Variants in SLC44A5 observed in about 807,000 individuals in gnomAD.
The protein encoded by SLC44A5 is choline transporter-like protein 5.
A neutral mutation model predicts 101.8 loss-of-function variants in SLC44A5; 57 were observed. That is an observed-to-expected ratio of 0.56 (90% CI 0.45 to 0.70). The LOEUF is 0.70. Among genes scored for constraint, SLC44A5 ranks in the 30% least tolerant of loss-of-function variants. The pLI is 0.00. For synonymous variants in SLC44A5, 281 were observed against 290.9 expected, an observed-to-expected ratio of 0.97 and a Z score of 0.35; for missense variants, 737 against 853.1, an observed-to-expected ratio of 0.86 and a Z score of 1.70.
In SLC44A5 at chr1:75,285,336, T is replaced by G. The variant is rs575766151; in HGVS notation, c.176-10294A>C. ...TTTTGTATTTCTGTGATATTGGTTGTAATTCTCCCATTTTGTTTCTAATTG... is the reference window on the plus strand; with the variant it reads ...TTTTGTATTTCTGTGATATTGGTTGGAATTCTCCCATTTTGTTTCTAATTG... On this transcript the variant is annotated intron_variant, in intron 5 of 23. Transcript: ENST00000370859. 4.6e-5 allele frequency among the ~76,000 whole-genome samples: 7 copies of G among 152,222 alleles called. 1 individual carries two copies. In the South Asian group the frequency reaches 1.4e-3, roughly 32 times the overall value.
chr1:75,694,218 G>A, the SLC44A5 span, among the ~76,000 whole-genome samples: 1 of 151,910 alleles, frequency 6.6e-6, no homozygotes, highest in African/African-American at 2.4e-5. Flanking sequence ...GGAAGATTTG[G>A]CCTTATGTCA....
At chr1:75,722,380 G>A in the SLC44A5 span, among the ~76,000 whole-genome samples, 1 of 152,200 alleles carries the variant, frequency 6.6e-6, no homozygotes, top group African/African-American at 2.4e-5. Context: ...CCGAAACAAT[G>A]AGGTTCGTGA....
chr1:75,551,542 G>A (rs1283061508), intron 1 of SLC44A5, among the ~76,000 whole-genome samples: 1 of 152,068 alleles, frequency 6.6e-6, no homozygotes, highest in East Asian at 1.9e-4. Flanking sequence ...CTTCCTCATA[G>A]AGACGTCTAA....
chr1:75,445,480 C>T (rs887287082), intron 2 of SLC44A5, among the ~76,000 whole-genome samples: 2 of 126,846 alleles, frequency 1.6e-5, no homozygotes, highest in Non-Finnish European at 3.4e-5. Flanking sequence ...CCAATCCTTA[C>T]TATATAAAAT....
At chr1:75,609,194 C>T (rs1442550985) in intron 1 of SLC44A5, among the ~76,000 whole-genome samples, 1 of 151,724 alleles carries the variant, frequency 6.6e-6, no homozygotes, top group African/African-American at 2.4e-5. Context: ...CTATTTATAC[C>T]TCAAAGGACT....
At chr1:75,416,945 A>G (rs1382325822) in intron 2 of SLC44A5, among the ~76,000 whole-genome samples, 1 of 152,214 alleles carries the variant, frequency 6.6e-6, no homozygotes, top group Admixed American at 6.5e-5. Flanking sequence ...GCTCATAGGC[A>G]GAAGGGATTT....
At chr1:75,679,647 G>A in the SLC44A5 span, among the ~76,000 whole-genome samples, 28 of 145,792 alleles carry the variant, frequency 1.9e-4, no homozygotes, top group East Asian at 4.0e-4. Context: ...GGTACCAGCC[G>A]CTGCAAAATC....
rs1389064395 is a variant in SLC44A5 at position 75,236,967 on chromosome 1, A to T, written c.740+20T>A. 3 of 1,361,534 alleles carry T rather than the reference A, an allele frequency of 2.2e-6. No homozygotes were observed. Among genetic ancestry groups the T allele is most frequent in the Admixed American group, 3.4e-5 (2 of 59,066 alleles). 84.3% of individuals were successfully genotyped at this position (1,361,534 alleles called of 1,614,324 possible). On this transcript the variant is annotated intron_variant, in intron 11 of 23. Coordinates refer to ENST00000370859, the MANE Select transcript of SLC44A5 (RefSeq NM_001130058.2). ...ATCAGAATGGGGCTGGAGAAGAAAC[A>T]TCTATGTGTTTTCACTTACATGAGA...
chr1:75,224,905 G>A (rs1364571233), intron 13 of SLC44A5, among the ~76,000 whole-genome samples: 3 of 151,912 alleles, frequency 2.0e-5, no homozygotes, highest in Non-Finnish European at 4.4e-5. Flanking sequence ...TATTATAAAA[G>A]TCAAAAAGTT....
intron 3 of SLC44A5, among the ~76,000 whole-genome samples, chr1:75,342,328 T>C (rs1317595201): frequency 6.6e-6 from 1 of 152,262 alleles, no homozygotes; most frequent in African/African-American, 2.4e-5. Context: ...ATGTGAATTG[T>C]ACTTCTCTGA....
At position 75,474,984 on chromosome 1, in the gene SLC44A5, T is replaced by G. The variant is rs536800992; in HGVS notation, c.13+66451A>C. Reference sequence around the variant, plus strand: ...AGCAGCAACAATTCAACTGCCTGAATGAAATGCCAAATGGCATAAAGTAAA... The same window carrying G: ...AGCAGCAACAATTCAACTGCCTGAAGGAAATGCCAAATGGCATAAAGTAAA... On this transcript the variant is annotated intron_variant, in intron 2 of 23. Coordinates refer to ENST00000370859, the MANE Select transcript of SLC44A5 (RefSeq NM_001130058.2). Among the ~76,000 whole-genome samples, 65 of 152,364 alleles carry G rather than the reference T, an allele frequency of 4.3e-4. 1 individual carries two copies. Among genetic ancestry groups the G allele is most frequent in the African/African-American group, 1.5e-3 (64 of 41,596 alleles).
chr1:75,312,635 G>T (rs1655396288), intron 4 of SLC44A5, among the ~76,000 whole-genome samples: 1 of 151,326 alleles, frequency 6.6e-6, no homozygotes, highest in Admixed American at 6.6e-5. Context: ...AGAACTATGT[G>T]CCAAACAAAT....
intron 3 of SLC44A5, among the ~76,000 whole-genome samples, chr1:75,373,055 A>G (rs1262009280): frequency 6.6e-6 from 1 of 152,198 alleles, no homozygotes; most frequent in Non-Finnish European, 1.5e-5. Context: ...TGGTATTTAG[A>G]AGCAGAGTCA....
intron 2 of SLC44A5, among the ~76,000 whole-genome samples, chr1:75,444,533 G>A (rs576757416): frequency 3.3e-4 from 45 of 134,652 alleles, no homozygotes; most frequent in Admixed American, 1.1e-3. Context: ...GCTGAAGATC[G>A]AAGGAGACAT....
At chr1:75,679,826 TAA>T in the SLC44A5 span, among the ~76,000 whole-genome samples, 1,282 of 152,178 alleles carry the variant, frequency 8.4e-3, 9 homozygotes, top group Non-Finnish European at 0.012. Context: ...GCAAATTGGA[TAA>T]AGAGTCAAGA....
chr1:75,584,188 G>A (rs1214735296), intron 1 of SLC44A5, among the ~76,000 whole-genome samples: 1 of 152,218 alleles, frequency 6.6e-6, no homozygotes, highest in African/African-American at 2.4e-5. Flanking sequence ...CCTTTACAGT[G>A]AAACTGTCCT....
rs1673985296 is a variant in SLC44A5, at chr1:75,586,269, C to T, written c.-70+24771G>A. Among the ~76,000 whole-genome samples, 3 of 152,064 alleles carry T rather than the reference C, an allele frequency of 2.0e-5. No individual in the cohort carries two copies. The South Asian group carries it at 6.2e-4, about 32-fold the overall frequency. ...TTTAGACTGTAACTATACCACCAGC[C>T]TCTCTTCTGGGTCTCCAATTTGCAG... On this transcript the variant is annotated intron_variant, in intron 1 of 23. Transcript: ENST00000370859.
intron 13 of SLC44A5, among the ~76,000 whole-genome samples, chr1:75,226,479 C>G (rs887885287): frequency 6.6e-6 from 1 of 152,108 alleles, no homozygotes; most frequent in African/African-American, 2.4e-5. Flanking sequence ...CACCAGGAGA[C>G]TATCCTAATG....
At chr1:75,707,881 T>C in the SLC44A5 span, among the ~76,000 whole-genome samples, 2 of 152,102 alleles carry the variant, frequency 1.3e-5, no homozygotes, top group African/African-American at 2.4e-5. Flanking sequence ...ATTAAAATGT[T>C]ACAAATTTTC....
Sources: gnomAD v4.1 joint callset for allele counts (sites outside exome capture counted in the v4.1 genomes callset) on GRCh38, gnomAD v4.1.1 for gene constraint, MANE v1.5 for transcripts, NCBI Gene and HGNC (gene_info 2026-07-23, HGNC 2026-07-21) for gene names.